The following NYNRIN variants were observed in gnomAD, a reference collection of about 807,000 sequenced individuals.
The protein encoded by NYNRIN is protein NYNRIN.
Under a neutral mutation model 146.6 loss-of-function variants are expected in NYNRIN, and 86 were observed. The ratio of observed to expected loss-of-function variants is 0.59; its 90% CI spans 0.49 to 0.70. The LOEUF (loss-of-function observed/expected upper bound fraction) is 0.70, where lower values mean the gene tolerates loss of function less well. NYNRIN is among the 30% of genes least tolerant of loss of function. NYNRIN has a pLI of 0.00. For missense variants in NYNRIN, 2,191 were observed against 2,377.7 expected (o/e 0.92, Z 1.63); for synonymous variants, 1,027 against 1,001.3 (o/e 1.03, Z -0.48).
chr14:24,403,042 T>C (rs6573779), intron 2 of NYNRIN, among the ~76,000 whole-genome samples: 8,129 of 152,308 alleles, frequency 0.053, 575 homozygotes, highest in East Asian at 0.27. Flanking sequence ...CATTATCGTA[T>C]GTGAGGATTG....
rs1594742082 is a variant in NYNRIN at position 24,413,471 on chromosome 14, C to A, written c.2846+54C>A. 14 of 1,262,646 alleles carry A rather than the reference C, an allele frequency of 1.1e-5. No homozygotes were observed. The East Asian group carries it at 3.4e-4, about 31-fold the overall frequency. The allele number at this position is 1,262,646 out of a possible 1,614,324, so 78.2% of individuals were successfully genotyped here. On this transcript the variant is annotated intron_variant, in intron 8 of 8. Coordinates refer to ENST00000382554, the MANE Select transcript of NYNRIN (RefSeq NM_025081.3). ...AGGCCCTCCTGGGGCTGATCGGAAA[C>A]TTCCCCTTAGTGTTGGCCAACATCT...
At chr14:24,410,638 C>T (rs1311092229) in intron 4 of NYNRIN, among the ~76,000 whole-genome samples, 1 of 152,242 alleles carries the variant, frequency 6.6e-6, no homozygotes, top group East Asian at 1.9e-4. Context: ...GATTGCCCTT[C>T]CTCCACAGTA....
In NYNRIN at chr14:24,415,244, C is replaced by T. The variant is rs369620295; in HGVS notation, c.3495C>T (p.Thr1165=). Residue 1165 remains threonine (T), a synonymous_variant, in exon 9 of 9, where the codon ACC becomes ACT. Coordinates refer to ENST00000382554, the MANE Select transcript of NYNRIN (RefSeq NM_025081.3). ...NSQLPFRLEV[T]VSHVALTAIL... The stretch of plus-strand genomic sequence containing the variant: ...AGCTGCCCTTCCGCCTGGAGGTGAC[C>T]GTGAGCCACGTGGCCCTGACGGCCA... 2.7e-5 allele frequency: 44 copies of T among 1,613,566 alleles called. No homozygotes were observed. Among genetic ancestry groups the T allele is most frequent in the Middle Eastern group, 3.3e-4 (2 of 6,062 alleles).
chr14:24,414,803 C>T lies in NYNRIN; in HGVS notation c.3054C>T (p.Asp1018=), dbSNP rs2139352920. 1 of 1,613,708 alleles carries T rather than the reference C, an allele frequency of 6.2e-7. No homozygotes were observed. The highest frequency in any genetic ancestry group is 8.5e-7 in the Non-Finnish European group (1 of 1,179,762). The change falls in exon 9 of 9, where the codon GAC becomes GAT. Residue 1018 remains aspartate, a synonymous_variant. Coordinates refer to ENST00000382554, the MANE Select transcript of NYNRIN (RefSeq NM_025081.3). Reference sequence around the variant, plus strand: ...CACAGAAGGCGGCTGAGGAGGACGACCTTGACTCTTCGCTGGCGTCAGTGT... The same window carrying T: ...CACAGAAGGCGGCTGAGGAGGACGATCTTGACTCTTCGCTGGCGTCAGTGT... ...QGTQKAAEED[D]LDSSLASVFR... is the part of the protein sequence containing the mutation.
In NYNRIN at chr14:24,415,117, A is replaced by G; in HGVS notation, c.3368A>G (p.Lys1123Arg). 1 of 1,606,750 alleles carries G rather than the reference A, an allele frequency of 6.2e-7. No homozygotes were observed. Among genetic ancestry groups the G allele is most frequent in the Non-Finnish European group, 8.5e-7 (1 of 1,179,390 alleles). Residue 1123 changes from lysine to arginine, a missense_variant, in exon 9 of 9, where the codon AAG (lysine) becomes AGG (arginine). Physicochemically the swap from Lys to Arg is conservative, Grantham distance 26. Transcript: ENST00000382554. ...GTGGGCCCCCTGCACAGCCTCCTCAAGCAGAAGCCTGACTGGCAGTGGGAC... is the reference window on the plus strand; with the variant it reads ...GTGGGCCCCCTGCACAGCCTCCTCAGGCAGAAGCCTGACTGGCAGTGGGAC... ...ALVGPLHSLL[K>R]QKPDWQWDQE...
At chr14:24,406,456 A>G (rs2042876278) in intron 2 of NYNRIN, among the ~76,000 whole-genome samples, 2 of 152,120 alleles carry the variant, frequency 1.3e-5, no homozygotes, top group African/African-American at 4.8e-5. Flanking sequence ...AGGCAGTGGG[A>G]CCAGATGAGG....
chr14:24,417,653 T>C lies in NYNRIN; in HGVS notation c.*207T>C, dbSNP rs1416122770. The C allele has an allele frequency of 1.5e-6, 1 of 684,030 alleles. No homozygotes were observed. Among genetic ancestry groups the C allele is most frequent in the East Asian group, 3.0e-5 (1 of 33,232 alleles). 42.4% of individuals were successfully genotyped at this position (684,030 alleles called of 1,614,324 possible). ...CCCCAGTTTGGGGTACTTGGAGAAT[T>C]TGCCAAAGGCTGTCAGATATGGGTC... On this transcript the variant is annotated 3_prime_UTR_variant, in exon 9 of 9. Coordinates refer to ENST00000382554, the MANE Select transcript of NYNRIN (RefSeq NM_025081.3).
chr14:24,402,408 G>A (rs981797136), intron 2 of NYNRIN, among the ~76,000 whole-genome samples: 2 of 152,122 alleles, frequency 1.3e-5, no homozygotes, highest in African/African-American at 4.8e-5. Flanking sequence ...TGACCACTGC[G>A]GGAGGTGATG....
rs1453472877 is a variant in NYNRIN at position 24,411,337 on chromosome 14, C to A, written c.2546-17C>A. ...GCCCTCCCTTGACCATTTCTGTCTT[C>A]TGCCTTTCACCCCCAGAGAGCCACT... is the stretch of plus-strand genomic sequence containing the variant. On this transcript the variant is annotated splice_polypyrimidine_tract_variant and intron_variant, in intron 5 of 8. Coordinates refer to ENST00000382554, the MANE Select transcript of NYNRIN (RefSeq NM_025081.3). This position sits in a 1 kb window ranked among gnomAD's most constrained non-coding sequence, Gnocchi z 4.3. The A allele has an allele frequency of 1.2e-6, 2 of 1,613,768 alleles. No homozygotes were observed. Among genetic ancestry groups the A allele is most frequent in the South Asian group, 2.2e-5 (2 of 91,080 alleles).
Position 24,399,095 on chromosome 14 carries a change from C to T in NYNRIN, c.-18+9C>T. 5.7e-6 allele frequency: 4 copies of T among 705,404 alleles called. No individual in the cohort carries two copies. Among genetic ancestry groups the T allele is most frequent in the South Asian group, 3.9e-5 (2 of 50,802 alleles). 43.7% of individuals were successfully genotyped at this position (705,404 alleles called of 1,614,324 possible). On this transcript the variant is annotated intron_variant, in intron 1 of 8. Coordinates refer to ENST00000382554, the MANE Select transcript of NYNRIN (RefSeq NM_025081.3). The stretch of plus-strand genomic sequence containing the variant: ...CGCCCGAGCCGTGCGGGGTGGGTCC[C>T]GCCGCCTGGAGGAAGGAGGCCGTGC...
chr14:24,408,393 T>C lies in NYNRIN; in HGVS notation c.723T>C (p.Pro241=), dbSNP rs2042889401. ...APAMVSVGES[P]GPFVDMGTLQ... ...CCATGGTGTCCGTGGGAGAGAGTCC[T>C]GGACCCTTTGTGGACATGGGGACCC... The change falls in exon 3 of 9, where the codon CCT becomes CCC. Residue 241 remains proline, a synonymous_variant. Coordinates refer to ENST00000382554, the MANE Select transcript of NYNRIN (RefSeq NM_025081.3). 6.2e-7 allele frequency: 1 copy of C among 1,613,896 alleles called. No homozygotes were observed. The highest frequency in any genetic ancestry group is 8.5e-7 in the Non-Finnish European group (1 of 1,179,894).
At position 24,417,321 on chromosome 14, in the gene NYNRIN, C is replaced by T; in HGVS notation, c.5572C>T (p.Leu1858=). Residue 1858 remains leucine (L), a synonymous_variant, in exon 9 of 9, where the codon CTG becomes TTG. Transcript: ENST00000382554. ...CTTCTATATCGGGGACCGGCTGAGC[C>T]TGTCACTCTATAGGATATGGGGCTT... The part of the protein sequence containing the change: ...GPFYIGDRLS[L]SLYRIWGFPT... The T allele has an allele frequency of 1.9e-6, 3 of 1,611,992 alleles. No individual in the cohort carries two copies. Among genetic ancestry groups the T allele is most frequent in the South Asian group, 2.2e-5 (2 of 90,726 alleles).
chr14:24,413,189 CT>C, intron 7 of NYNRIN, 91 bp downstream of exon 7: 1 of 1,334,294 alleles, frequency 7.5e-7, no homozygotes, highest in East Asian at 2.5e-5. Context: ...GAAGAGAGGC[CT>C]TGGAGTAGTG....
chr14:24,410,756 A>C (rs1465432632), intron 4 of NYNRIN, among the ~76,000 whole-genome samples: 1 of 152,236 alleles, frequency 6.6e-6, no homozygotes, highest in East Asian at 1.9e-4. Flanking sequence ...GTCGGTGGCC[A>C]GGGAATTTTT....
chr14:24,407,628 C>T (rs569744641), intron 2 of NYNRIN, among the ~76,000 whole-genome samples: 46 of 152,318 alleles, frequency 3.0e-4, no homozygotes, highest in African/African-American at 1.1e-3. Flanking sequence ...GGTTCTTTCC[C>T]TCCTCTCTCC....
At chr14:24,410,461 G>T (rs886352838) in intron 4 of NYNRIN, among the ~76,000 whole-genome samples, 3 of 152,206 alleles carry the variant, frequency 2.0e-5, no homozygotes, top group Non-Finnish European at 4.4e-5. Context: ...CTCAGAGGTG[G>T]GAAATCTTGC....
Position 24,416,814 on chromosome 14 carries a change from G to A in NYNRIN, c.5065G>A (p.Val1689Ile), listed in dbSNP as rs532821287. 120 of 1,611,946 alleles carry A rather than the reference G, an allele frequency of 7.4e-5. 1 individual carries two copies. The East Asian group carries it at 1.4e-3, about 19-fold the overall frequency. The part of the protein sequence containing the change: ...AAQGPQFARH[V>I]LVSCGLALGA... ...CCAGGGGCCCCAGTTTGCCCGGCAC[G>A]TCCTTGTGAGCTGTGGGCTGGCCCT... The change falls in exon 9 of 9, where the codon GTC becomes ATC. Residue 1689 changes from valine (V) to isoleucine (I), a missense_variant. By Grantham distance (29) the Val-to-Ile change is conservative. This residue lies in a region of NYNRIN where 1,291 missense variants were observed against 1,417.0 expected (regional missense o/e 0.91). Coordinates refer to ENST00000382554, the MANE Select transcript of NYNRIN (RefSeq NM_025081.3).
At position 24,409,703 on chromosome 14, in the gene NYNRIN, C is replaced by T. The variant is rs765746103; in HGVS notation, c.1909C>T (p.Pro637Ser). 2.5e-6 allele frequency: 4 copies of T among 1,605,540 alleles called. No individual in the cohort carries two copies. The highest frequency in any genetic ancestry group is 1.1e-5 in the South Asian group (1 of 89,566). Residue 637 changes from proline to serine, a missense_variant, in exon 4 of 9, where the codon CCT (proline) becomes TCT (serine). Pro to Ser is a moderately conservative substitution (Grantham distance 74). Around this residue, in one of 3 missense-constraint regions of NYNRIN, gnomAD observed 895 missense variants for 941.2 expected, o/e 0.95. Transcript: ENST00000382554. The stretch of plus-strand genomic sequence containing the variant: ...GAAGATGCCTGTAGCAAAAACATCA[C>T]CTGCAGGTCCCAAAACACCCAAAGC... ...AQKMPVAKTS[P>S]AGPKTPKAQA... is the part of the protein sequence containing the mutation.
At chr14:24,399,497 C>T (rs1314123314) in intron 2 of NYNRIN, 53 bp downstream of exon 2, 4 of 1,474,586 alleles carry the variant, frequency 2.7e-6, no homozygotes, top group Non-Finnish European at 2.8e-6. Context: ...ATCACTCTCT[C>T]CCCTTCCCCT....
Sources: allele counts gnomAD v4.1 joint callset (sites outside exome capture counted in the v4.1 genomes callset), GRCh38; gene constraint gnomAD v4.1.1; regional missense constraint gnomAD v4.1.1; non-coding constraint Gnocchi (gnomAD v3.1); transcripts MANE v1.5; gene names NCBI Gene and HGNC (gene_info 2026-07-23, HGNC 2026-07-21).